Variants in EEF2K observed in about 807,000 individuals in gnomAD.
EEF2K encodes the protein alternative protein EEF2K.
A neutral mutation model predicts 93.8 loss-of-function variants in EEF2K; 70 were observed. That is an observed-to-expected ratio of 0.75 (90% confidence interval 0.62 to 0.91). The LOEUF is 0.91. EEF2K is among the 40% of genes least tolerant of loss of function. The pLI is 0.00. For synonymous variants in EEF2K, 376 were observed against 380.8 expected, an observed-to-expected ratio of 0.99 and a Z score of 0.15; for missense variants, 935 against 972.9, an observed-to-expected ratio of 0.96 and a Z score of 0.52.
intron 11 of EEF2K, among the ~76,000 whole-genome samples, chr16:22,262,001 CCACACACACACACACACA>C (rs71151667): frequency 7.2e-6 from 1 of 138,018 alleles, no homozygotes; most frequent in Non-Finnish European, 1.6e-5. Flanking sequence ...TGAGACCCTG[CCACACACACACACACACA>C]CACACACACA....
intron 6 of EEF2K, 71 bp downstream of exon 6, chr16:22,251,393 A>G: frequency 2.0e-6 from 3 of 1,513,462 alleles, no homozygotes; most frequent in South Asian, 1.2e-5. Flanking sequence ...AAAGAGGGCC[A>G]TGGTGAATCC....
At position 22,258,573 on chromosome 16, in the gene EEF2K, C is replaced by T; in HGVS notation, c.1109C>T (p.Pro370Leu). ...GTAAGGACCCTCTCTGGGAGCCGGC[C>T]ACCCCTGCTCCGTCCCCTTTCAGAG... ...PQVRTLSGSR[P>L]PLLRPLSENS... Residue 370 changes from proline to leucine, a missense_variant, in exon 10 of 18, where the codon CCA becomes CTA. Pro to Leu is a moderately conservative substitution (Grantham distance 98). Coordinates refer to ENST00000263026, the MANE Select transcript of EEF2K (RefSeq NM_013302.5). The T allele has an allele frequency of 1.9e-6, 3 of 1,614,102 alleles. No homozygotes were observed. Among genetic ancestry groups the T allele is most frequent in the Non-Finnish European group, 2.5e-6 (3 of 1,180,022 alleles).
At chr16:22,254,691 A>G (rs143940106) in intron 6 of EEF2K, among the ~76,000 whole-genome samples, 1 of 152,348 alleles carries the variant, frequency 6.6e-6, no homozygotes, top group African/African-American at 2.4e-5. Context: ...AAGGAATGTC[A>G]AAGTTCCCTA....
At chr16:22,229,870 A>T (rs1387619336) in intron 2 of EEF2K, among the ~76,000 whole-genome samples, 2 of 152,110 alleles carry the variant, frequency 1.3e-5, no homozygotes, top group Non-Finnish European at 2.9e-5. Context: ...ATTTGAAATT[A>T]AAAATAATCT....
chr16:22,216,931 A>G (rs1356520838), intron 1 of EEF2K, among the ~76,000 whole-genome samples: 2 of 151,788 alleles, frequency 1.3e-5, no homozygotes, highest in Non-Finnish European at 2.9e-5. Flanking sequence ...GGAGGCTGAG[A>G]TGGGTGGATC....
intron 16 of EEF2K, among the ~76,000 whole-genome samples, chr16:22,274,135 G>T (rs1005386534): frequency 6.6e-6 from 1 of 151,944 alleles, no homozygotes; most frequent in African/African-American, 2.4e-5. Context: ...GTGAAACTCT[G>T]TCTCTACTGA....
At chr16:22,224,993 G>C (rs1032073539) in intron 1 of EEF2K, among the ~76,000 whole-genome samples, 1 of 152,044 alleles carries the variant, frequency 6.6e-6, no homozygotes, top group African/African-American at 2.4e-5. Context: ...AAATGGAACG[G>C]GGTGATATGC....
At chr16:22,234,404 A>G (rs1337131866) in intron 2 of EEF2K, among the ~76,000 whole-genome samples, 1 of 152,110 alleles carries the variant, frequency 6.6e-6, no homozygotes, top group African/African-American at 2.4e-5. Context: ...TAAAAATACA[A>G]AAATTATCTG....
intron 11 of EEF2K, among the ~76,000 whole-genome samples, chr16:22,262,236 G>T (rs944898423): frequency 1.3e-5 from 2 of 152,124 alleles, no homozygotes; most frequent in Non-Finnish European, 2.9e-5. Flanking sequence ...ACTAGGCCAG[G>T]CACGGTGGCT....
chr16:22,224,465 T>C (rs765889541), intron 1 of EEF2K, among the ~76,000 whole-genome samples: 2 of 151,036 alleles, frequency 1.3e-5, no homozygotes, highest in African/African-American at 2.4e-5. Flanking sequence ...ACCCTGTTTT[T>C]ACAAAAAACA....
chr16:22,214,754 A>C (rs2046943893), intron 1 of EEF2K, among the ~76,000 whole-genome samples: 2 of 152,212 alleles, frequency 1.3e-5, no homozygotes, highest in African/African-American at 4.8e-5. Context: ...AAGAGATTAA[A>C]GGGTTTTGCT....
chr16:22,219,558 A>G (rs1326162184), intron 1 of EEF2K, among the ~76,000 whole-genome samples: 1 of 152,180 alleles, frequency 6.6e-6, no homozygotes, highest in African/African-American at 2.4e-5. Context: ...GAGCCCAGAG[A>G]TCAAGGCTGC....
intron 2 of EEF2K, among the ~76,000 whole-genome samples, chr16:22,232,912 C>G (rs990116772): frequency 3.2e-4 from 49 of 151,048 alleles, no homozygotes; most frequent in African/African-American, 1.0e-3. Context: ...GACCTGGAAA[C>G]TTGGATTGTT....
At chr16:22,240,257 AC>A (rs1178263825) in intron 2 of EEF2K, among the ~76,000 whole-genome samples, 1 of 152,228 alleles carries the variant, frequency 6.6e-6, no homozygotes, top group African/African-American at 2.4e-5. Context: ...CAAGTCAATA[AC>A]AAAAAAGTTA....
At chr16:22,240,718 G>T (rs181508429) in intron 2 of EEF2K, among the ~76,000 whole-genome samples, 7 of 152,130 alleles carry the variant, frequency 4.6e-5, no homozygotes, top group African/African-American at 1.7e-4. Flanking sequence ...AGAAAAGTCA[G>T]ATGCACAACA....
chr16:22,273,236 C>T (rs2047602647), intron 15 of EEF2K, among the ~76,000 whole-genome samples: 1 of 152,162 alleles, frequency 6.6e-6, no homozygotes, highest in Non-Finnish European at 1.5e-5. Context: ...AGATTTATAC[C>T]TACTTTTAAT....
chr16:22,285,199 G>T lies in EEF2K; in HGVS notation c.*1203G>T, dbSNP rs751355749. On this transcript the variant is annotated 3_prime_UTR_variant, in exon 18 of 18. Transcript: ENST00000263026. Reference sequence around the variant, plus strand: ...GCATCTCAGTGGCAGCTCCCACAACGTGACTGCAATGTCTCTTATACAGTA... The same window carrying T: ...GCATCTCAGTGGCAGCTCCCACAACTTGACTGCAATGTCTCTTATACAGTA... 1 of 152,384 alleles carries T rather than the reference G, an allele frequency of 6.6e-6. No homozygotes were observed. Among genetic ancestry groups the T allele is most frequent in the African/African-American group, 2.4e-5 (1 of 41,404 alleles). 9.4% of individuals were successfully genotyped at this position (152,384 alleles called of 1,614,324 possible). A position where few individuals can be genotyped will look rare whatever the true frequency, so the allele number is the denominator to read the frequency against.
intron 2 of EEF2K, among the ~76,000 whole-genome samples, chr16:22,228,133 G>C (rs1283553370): frequency 6.8e-6 from 1 of 146,060 alleles, no homozygotes; most frequent in South Asian, 2.2e-4. Context: ...AAATTCTTAT[G>C]AATCATTACT....
At chr16:22,277,033 C>G (rs1372677085) in intron 16 of EEF2K, among the ~76,000 whole-genome samples, 1 of 151,984 alleles carries the variant, frequency 6.6e-6, no homozygotes, top group East Asian at 1.9e-4. Flanking sequence ...TCATTCCACT[C>G]CAGCCTGGGC....
Sources: allele counts gnomAD v4.1 joint callset (sites outside exome capture counted in the v4.1 genomes callset), GRCh38; gene constraint gnomAD v4.1.1; transcripts MANE v1.5; gene names NCBI Gene and HGNC (gene_info 2026-07-23, HGNC 2026-07-21).